The following ABCG1 variants were observed in gnomAD, a reference collection of about 807,000 sequenced individuals.
ABCG1 encodes ATP-binding cassette sub-family G member 1.
A neutral mutation model predicts 69.2 loss-of-function variants in ABCG1; 29 were observed. That is an observed-to-expected ratio of 0.42 (90% confidence interval 0.31 to 0.57). The LOEUF (loss-of-function observed/expected upper bound fraction) is 0.57. Among genes scored for constraint, ABCG1 ranks in the 20% least tolerant of loss-of-function variants. ABCG1 has a pLI of 0.15. For missense variants in ABCG1, 718 were observed against 898.1 expected (o/e 0.80, Z 2.56); for synonymous variants, 370 against 374.8 (o/e 0.99, Z 0.15).
At chr21:42,275,495 C>T (rs1225191880) in intron 4 of ABCG1, among the ~76,000 whole-genome samples, 1 of 152,220 alleles carries the variant, frequency 6.6e-6, no homozygotes, top group Non-Finnish European at 1.5e-5. Flanking sequence ...TAAGTGCAAA[C>T]TCCATGCACA....
chr21:42,285,135 A>AG (rs2068916178), intron 7 of ABCG1, among the ~76,000 whole-genome samples: 2 of 151,830 alleles, frequency 1.3e-5, no homozygotes, highest in South Asian at 2.1e-4. Context: ...AAATGGGGGG[A>AG]GGGGGGACAC....
At chr21:42,233,915 C>T (rs2067937679) in intron 2 of ABCG1, among the ~76,000 whole-genome samples, 1 of 152,192 alleles carries the variant, frequency 6.6e-6, no homozygotes, top group African/African-American at 2.4e-5. Flanking sequence ...CAAAAAAGTC[C>T]CCCTCTCTGA....
At chr21:42,209,122 A>C (rs74435691) in intron 2 of ABCG1, among the ~76,000 whole-genome samples, 7 of 152,330 alleles carry the variant, frequency 4.6e-5, no homozygotes, top group Middle Eastern at 3.4e-3. Flanking sequence ...CTGAGTCCAC[A>C]GAACACTTGA....
chr21:42,293,650 A>G (rs1243489745), intron 13 of ABCG1, among the ~76,000 whole-genome samples: 1 of 137,332 alleles, frequency 7.3e-6, no homozygotes, highest in Non-Finnish European at 1.6e-5. Flanking sequence ...CACACACACT[A>G]CACACCACAC....
intron 2 of ABCG1, among the ~76,000 whole-genome samples, chr21:42,226,948 C>G (rs1021935868): frequency 6.6e-6 from 1 of 152,186 alleles, no homozygotes; most frequent in African/African-American, 2.4e-5. Context: ...TCAAGACTCA[C>G]GTTTTAAATT....
At chr21:42,295,015 A>C in intron 14 of ABCG1, 2 of 234,814 alleles carry the variant, frequency 8.5e-6, no homozygotes, top group Admixed American at 5.0e-5. Flanking sequence ...CTGATTGTAA[A>C]ACCTTTATAA....
At position 42,284,625 on chromosome 21, in the gene ABCG1, G is replaced by A. The variant is rs777446902; in HGVS notation, c.800G>A (p.Arg267His). Reference protein sequence around the residue: ...SLMKGLAQGGRSIICTIHQPS... With the variant: ...SLMKGLAQGGHSIICTIHQPS... ...ATGAAAGGGCTCGCTCAAGGGGGTC[G>A]CTCCATCATTTGCACCATCCACCAG... The change falls in exon 7 of 15, where the codon CGC (arginine) becomes CAC (histidine). Residue 267 changes from arginine to histidine, a missense_variant. Transcript: ENST00000398449. 8.7e-6 allele frequency: 14 copies of A among 1,613,896 alleles called. No individual in the cohort carries two copies. Among genetic ancestry groups the A allele is most frequent in the East Asian group, 2.2e-5 (1 of 44,886 alleles).
intron 2 of ABCG1, among the ~76,000 whole-genome samples, chr21:42,227,388 T>C (rs980047934): frequency 3.6e-4 from 55 of 152,376 alleles, no homozygotes; most frequent in Middle Eastern, 6.8e-3. Context: ...CACCGCGTCA[T>C]GTTTTGGCGT....
At chr21:42,249,719 G>A (rs904761744) in intron 2 of ABCG1, among the ~76,000 whole-genome samples, 1 of 152,060 alleles carries the variant, frequency 6.6e-6, no homozygotes, top group Non-Finnish European at 1.5e-5. Flanking sequence ...AGAAGTGAGA[G>A]GGAGGGCCAG....
At chr21:42,228,177 C>G (rs77447133) in intron 2 of ABCG1, among the ~76,000 whole-genome samples, 2 of 152,134 alleles carry the variant, frequency 1.3e-5, no homozygotes, top group Admixed American at 1.3e-4. Context: ...GCAGCCCGGG[C>G]GGGGTGGCCA....
intron 2 of ABCG1, among the ~76,000 whole-genome samples, chr21:42,208,589 A>G (rs1197776243): frequency 1.3e-5 from 2 of 152,230 alleles, no homozygotes; most frequent in Non-Finnish European, 2.9e-5. Flanking sequence ...ACCTGATAGC[A>G]GTGAACGTGT....
intron 13 of ABCG1, among the ~76,000 whole-genome samples, chr21:42,293,093 A>T: frequency 8.4e-6 from 1 of 118,548 alleles, no homozygotes; most frequent in East Asian, 2.7e-4. Context: ...CACACTACAC[A>T]CCACACACGG....
Position 42,294,385 on chromosome 21 carries a change from C to T in ABCG1, c.1654-157C>T, listed in dbSNP as rs2069162040. Among the ~76,000 whole-genome samples the T allele has an allele frequency of 3.9e-5, 6 of 152,300 alleles. No homozygotes were observed. The South Asian group carries it at 1.0e-3, about 26-fold the overall frequency. ...CCTCAGAGATGGTGACCCCACACCTCGGGAACGCTGCACCTTCTGCCACAT... is the reference window on the plus strand; with the variant it reads ...CCTCAGAGATGGTGACCCCACACCTTGGGAACGCTGCACCTTCTGCCACAT... On this transcript the variant is annotated intron_variant, in intron 13 of 14. Transcript: ENST00000398449.
chr21:42,284,168 CCCACCTCTGTCCCGCCTGGACAGTTG>C (rs2068887160), intron 6 of ABCG1, among the ~76,000 whole-genome samples: 1 of 43,016 alleles, frequency 2.3e-5, no homozygotes, highest in Non-Finnish European at 5.1e-5. Context: ...TGGGGACCCC[CCCACCTCTGTCCCGCCTGGACAGTTG>C]CAAAGTCCCC....
At chr21:42,218,674 A>G (rs1315692606), upstream of ABCG1, among the ~76,000 whole-genome samples, 1 of 144,758 alleles carries the variant, frequency 6.9e-6, no homozygotes, top group Non-Finnish European at 1.5e-5. Context: ...TTAGTCCTCA[A>G]GCTCCTACCT....
chr21:42,236,249 T>C (rs1413202274), intron 2 of ABCG1, among the ~76,000 whole-genome samples: 1 of 152,272 alleles, frequency 6.6e-6, no homozygotes, highest in Non-Finnish European at 1.5e-5. Context: ...CCGAGTCACT[T>C]CTACCCTAGG....
chr21:42,243,309 G>A (rs1385465974), intron 2 of ABCG1, among the ~76,000 whole-genome samples: 1 of 152,202 alleles, frequency 6.6e-6, no homozygotes, highest in Non-Finnish European at 1.5e-5. Flanking sequence ...TTCCTCGGGG[G>A]TGGTGGACTG....
chr21:42,199,954 A>G (rs1321709893), intron 1 of ABCG1: 1 of 152,250 alleles, frequency 6.6e-6, no homozygotes, highest in Non-Finnish European at 1.5e-5. Context: ...TGTAAGCCAC[A>G]TCTCCTAGTT....
rs368960597 is a variant in ABCG1 at position 42,288,185 on chromosome 21, C to T, written c.1123-26C>T. ...CCGTGGCTCCGGACTGGCTTTCACCCGCTCCCCTCTTGCGTGTGTCCTCAG... is the reference window on the plus strand; with the variant it reads ...CCGTGGCTCCGGACTGGCTTTCACCTGCTCCCCTCTTGCGTGTGTCCTCAG... On this transcript the variant is annotated intron_variant, in intron 9 of 14. Coordinates refer to ENST00000398449, the MANE Select transcript of ABCG1 (RefSeq NM_016818.3). The surrounding 1 kb of genome is among the most constrained non-coding windows in gnomAD (Gnocchi z 4.8). 42 of 1,612,602 alleles carry T rather than the reference C, an allele frequency of 2.6e-5. No individual in the cohort carries two copies. Among genetic ancestry groups the T allele is most frequent in the African/African-American group, 2.4e-4 (18 of 74,912 alleles).
Sources: allele counts gnomAD v4.1 joint callset (sites outside exome capture counted in the v4.1 genomes callset), GRCh38; gene constraint gnomAD v4.1.1; non-coding constraint Gnocchi (gnomAD v3.1); transcripts MANE v1.5; gene names NCBI Gene and HGNC (gene_info 2026-07-23, HGNC 2026-07-21).